Variants in ZNF527 observed in about 807,000 individuals in gnomAD.
ZNF527 encodes the protein zinc finger protein 527.
Under a neutral mutation model 13.5 loss-of-function variants are expected in ZNF527, and 5 were observed. The ratio of observed to expected loss-of-function variants is 0.37; its 90% CI spans 0.19 to 0.78. The LOEUF is 0.78. Ranked by LOEUF, ZNF527 falls within the 30% of genes least tolerant of loss-of-function variation. The pLI is 0.48. For synonymous variants in ZNF527, 209 were observed against 243.1 expected (o/e 0.86, Z 1.30); for missense variants, 628 against 726.4 (o/e 0.86, Z 1.56).
At chr19:37,385,827 G>A (rs2040693192) in intron 4 of ZNF527, among the ~76,000 whole-genome samples, 1 of 151,916 alleles carries the variant, frequency 6.6e-6, no homozygotes, top group African/African-American at 2.4e-5. Flanking sequence ...TACTTACATA[G>A]CAGTTGTAAT....
At chr19:37,374,341 C>A (rs1334623031) in intron 2 of ZNF527, 110 bp downstream of exon 2, 1 of 974,046 alleles carries the variant, frequency 1.0e-6, no homozygotes. Flanking sequence ...CCACTTCTCT[C>A]TCCACCTTTT....
At chr19:37,388,271 A>G in intron 4 of ZNF527, 35 bp from the exon 5 acceptor site, 1 of 1,594,890 alleles carries the variant, frequency 6.3e-7, no homozygotes. Flanking sequence ...TAGCAAAAGA[A>G]CAAAGGAGAC....
chr19:37,389,252 TAATC>T lies in ZNF527; in HGVS notation c.1206_1209del (p.Gln403IlefsTer24), dbSNP rs748921693. The T allele has an allele frequency of 9.9e-6, 16 of 1,614,084 alleles. No homozygotes were observed. The highest frequency in any genetic ancestry group is 1.4e-5 in the Non-Finnish European group (16 of 1,180,040). ...AAGCCTTCAGACAGAGTGCTCACCT[TAATC>T]AACATCAGAGGATTCACACTGGAGA... On this transcript the variant is annotated frameshift_variant, in exon 5 of 5. Transcript: ENST00000436120. LOFTEE classifies it low-confidence loss of function (END_TRUNC).
chr19:37,380,267 C>G lies in ZNF527; in HGVS notation c.161-10C>G, dbSNP rs1468044248. On this transcript the variant is annotated splice_polypyrimidine_tract_variant and intron_variant, in intron 3 of 4. Transcript: ENST00000436120. ...GTCTCTTGCTCTCATTTTTCTTCCC[C>G]TGTGAACAGGACTCTCCATTTCTAA... 1 of 1,613,436 alleles carries G rather than the reference C, an allele frequency of 6.2e-7. No homozygotes were observed.
At chr19:37,372,138 T>G (rs2040562420) in intron 1 of ZNF527, among the ~76,000 whole-genome samples, 1 of 151,958 alleles carries the variant, frequency 6.6e-6, no homozygotes, top group African/African-American at 2.4e-5. Context: ...TAGCTGGGAT[T>G]ACAGGCGCGC....
Position 37,389,012 on chromosome 19 carries a change from A to G in ZNF527, c.963A>G (p.Gln321=). 1 of 1,614,222 alleles carries G rather than the reference A, an allele frequency of 6.2e-7. No homozygotes were observed. The highest frequency in any genetic ancestry group is 8.5e-7 in the Non-Finnish European group (1 of 1,180,038). ...ACGACTTCTTTCTCAGTGAACATCA[A>G]AGAACTCATATTGGGGAGAAACCTT... ...FSHDFFLSEH[Q]RTHIGEKPYE... is the part of the protein sequence containing the mutation. Residue 321 remains glutamine (Q), a synonymous_variant, in exon 5 of 5, where the codon CAA becomes CAG. Transcript: ENST00000436120.
Position 37,388,651 on chromosome 19 carries a change from C to G in ZNF527, c.602C>G (p.Pro201Arg), listed in dbSNP as rs2040720907. Reference sequence around the variant, plus strand: ...TTTGATATTTATGATAAACTCTTCCCCCAAAATTCAGTCATAATTGAATAT... The same window carrying G: ...TTTGATATTTATGATAAACTCTTCCGCCAAAATTCAGTCATAATTGAATAT... ...HKFDIYDKLF[P>R]QNSVIIEYKR... Residue 201 changes from proline to arginine, a missense_variant, in exon 5 of 5, where the codon CCC becomes CGC. Physicochemically the swap from Pro to Arg is moderately radical, Grantham distance 103. This residue lies in a region of ZNF527 where 592 missense variants were observed against 678.0 expected (regional missense o/e 0.87). Transcript: ENST00000436120. 1 of 1,613,230 alleles carries G rather than the reference C, an allele frequency of 6.2e-7. No individual in the cohort carries two copies. Among genetic ancestry groups the G allele is most frequent in the Non-Finnish European group, 8.5e-7 (1 of 1,179,782 alleles).
At chr19:37,375,311 T>TTTGTTTTCTTTCTTTC (rs760003304) in intron 2 of ZNF527, among the ~76,000 whole-genome samples, 4 of 79,794 alleles carry the variant, frequency 5.0e-5, no homozygotes, top group African/African-American at 2.3e-4. Flanking sequence ...TCTTTCTTTC[T>TTTGTTTTCTTTCTTTC]TTTCTTTCTT....
intron 4 of ZNF527, 109 bp downstream of exon 4, chr19:37,380,481 G>C: frequency 1.2e-6 from 1 of 842,408 alleles, no homozygotes. Context: ...AATCTCCATA[G>C]TATGTGCTTC....
chr19:37,385,645 C>A, intron 4 of ZNF527: 1 of 293,096 alleles, frequency 3.4e-6, no homozygotes, highest in Non-Finnish European at 6.2e-6. Context: ...CTGGTTGAAA[C>A]TGATCTGATG....
In ZNF527 at chr19:37,380,351, A is replaced by G; in HGVS notation, c.235A>G (p.Met79Val). ...GKEPWMVERK[M>V]SQGHCADWES... Reference sequence around the variant, plus strand: ...GGAACCGTGGATGGTGGAGAGAAAGATGTCACAGGGTCACTGTGCAGGTGA... The same window carrying G: ...GGAACCGTGGATGGTGGAGAGAAAGGTGTCACAGGGTCACTGTGCAGGTGA... Residue 79 changes from methionine (M) to valine (V), a missense_variant, in exon 4 of 5, where the codon ATG (methionine) becomes GTG (valine). Transcript: ENST00000436120. 1 of 1,613,996 alleles carries G rather than the reference A, an allele frequency of 6.2e-7. No homozygotes were observed. Among genetic ancestry groups the G allele is most frequent in the South Asian group, 1.1e-5 (1 of 91,078 alleles).
At chr19:37,385,025 T>C in intron 4 of ZNF527, 1 of 696,706 alleles carries the variant, frequency 1.4e-6, no homozygotes, top group Non-Finnish European at 2.6e-6. Context: ...GAGGTCTCAC[T>C]GTGTTGCCCA....
At chr19:37,373,606 GC>G (rs2040576338) in intron 1 of ZNF527, among the ~76,000 whole-genome samples, 1 of 152,118 alleles carries the variant, frequency 6.6e-6, no homozygotes, top group South Asian at 2.1e-4. Context: ...GGTGATAAAT[GC>G]TGAGAAAAAA....
rs1292492860 is a variant in ZNF527, at chr19:37,371,232, T to TGGGGCCG, written c.-42+9_-42+15dup. ...AGAGCCCGCGGCGCCGGGAGGTGAG[T>TGGGGCCG]GGGGCCGGGCCCCGGGCGGGAGCGG... On this transcript the variant is annotated splice_region_variant and intron_variant, in intron 1 of 4. Transcript: ENST00000436120. 1.3e-5 allele frequency: 2 copies of TGGGGCCG among 152,046 alleles called. No homozygotes were observed. Among genetic ancestry groups the TGGGGCCG allele is most frequent in the East Asian group, 3.9e-4 (2 of 5,150 alleles). 9.4% of individuals were successfully genotyped at this position (152,046 alleles called of 1,614,324 possible). A position where few individuals can be genotyped will look rare whatever the true frequency, so the allele number is the denominator to read the frequency against.
rs1568691641 is a variant in ZNF527 at position 37,375,330 on chromosome 19, T to TCTTTCTTTCTTTCTTTCTTTC, written c.33+1108_33+1109insTTTCTTTCTTTCCTTTCTTTC. 2.7e-5 allele frequency among the ~76,000 whole-genome samples: 4 copies of TCTTTCTTTCTTTCTTTCTTTC among 147,634 alleles called. No individual in the cohort carries two copies. In the Admixed American group the frequency reaches 2.7e-4, roughly 10 times the overall value. Reference sequence around the variant, plus strand: ...TCTTTCTTTTCTTTCTTTCTTTCTTTCTTTCTTTCCTTTCTTTCCTTTCTT... The same window carrying TCTTTCTTTCTTTCTTTCTTTC: ...TCTTTCTTTTCTTTCTTTCTTTCTTTCTTTCTTTCTTTCTTTCTTTCCTTTCTTTCCTTTCTTTCCTTTCTT... On this transcript the variant is annotated intron_variant, in intron 2 of 4. Transcript: ENST00000436120.
intron 1 of ZNF527, among the ~76,000 whole-genome samples, chr19:37,373,688 C>T (rs2040576797): frequency 6.6e-6 from 1 of 152,122 alleles, no homozygotes; most frequent in East Asian, 1.9e-4. Flanking sequence ...TCAGGGAAGT[C>T]CCTCTGATGA....
intron 4 of ZNF527, among the ~76,000 whole-genome samples, chr19:37,384,385 C>G (rs2040680739): frequency 1.3e-5 from 2 of 151,974 alleles, no homozygotes. Context: ...ATTATTCCAA[C>G]TACTTAGGAG....
chr19:37,388,739 T>C lies in ZNF527; in HGVS notation c.690T>C (p.Ser230=). ...ATGAATGTGAAGAATTCAACCAGAG[T>C]ACGTACCTTAGTAAAGATATAGGAA... ...IGNECEEFNQ[S]TYLSKDIGIP... Residue 230 remains serine, a synonymous_variant, in exon 5 of 5, where the codon AGT becomes AGC. Transcript: ENST00000436120. 1 of 1,612,720 alleles carries C rather than the reference T, an allele frequency of 6.2e-7. No individual in the cohort carries two copies. Among genetic ancestry groups the C allele is most frequent in the Non-Finnish European group, 8.5e-7 (1 of 1,179,720 alleles).
At chr19:37,375,241 A>ATT (rs779869387) in intron 2 of ZNF527, among the ~76,000 whole-genome samples, 2 of 119,338 alleles carry the variant, frequency 1.7e-5, no homozygotes, top group Non-Finnish European at 3.7e-5. Flanking sequence ...TCCTTAGTGT[A>ATT]TTTTCTTTCT....
Sources: allele counts gnomAD v4.1 joint callset (sites outside exome capture counted in the v4.1 genomes callset), GRCh38; gene constraint gnomAD v4.1.1; regional missense constraint gnomAD v4.1.1; transcripts MANE v1.5; gene names NCBI Gene and HGNC (gene_info 2026-07-23, HGNC 2026-07-21).